The following PM20D2 variants were observed in gnomAD, a reference collection of about 807,000 sequenced individuals.
PM20D2 encodes the protein peptidase M20 domain containing 2.
In PM20D2, 33 loss-of-function variants were observed where a neutral mutation model predicts 42.9. That is an observed-to-expected ratio of 0.77 (90% CI 0.58 to 1.03). The LOEUF (loss-of-function observed/expected upper bound fraction) is 1.03. Ranked by LOEUF, PM20D2 falls within the 50% of genes least tolerant of loss-of-function variation. PM20D2 has a pLI of 0.00. For missense variants in PM20D2, 548 were observed against 557.0 expected (o/e 0.98, Z 0.16); for synonymous variants, 250 against 228.2 (o/e 1.10, Z -0.86).
At chr6:89,121,280 T>TC in the PM20D2 span, among the ~76,000 whole-genome samples, 1 of 152,180 alleles carries the variant, frequency 6.6e-6, no homozygotes. Flanking sequence ...TGTTCTTTTT[T>TC]CCAGATATGA....
intron 2 of PM20D2, among the ~76,000 whole-genome samples, chr6:89,151,234 CTTT>C (rs543608362): frequency 1.5e-5 from 2 of 133,256 alleles, no homozygotes. Context: ...CTTAAAAATT[CTTT>C]TTTTTTTTTT....
chr6:89,095,101 C>A, the PM20D2 span, among the ~76,000 whole-genome samples: 1 of 152,128 alleles, frequency 6.6e-6, no homozygotes, highest in Non-Finnish European at 1.5e-5. Flanking sequence ...TCTATTATGC[C>A]ACGTGAAGAT....
At chr6:89,128,029 A>AAT in the PM20D2 span, among the ~76,000 whole-genome samples, 1 of 152,236 alleles carries the variant, frequency 6.6e-6, no homozygotes, top group Non-Finnish European at 1.5e-5. Flanking sequence ...GTGTTTGAAC[A>AAT]ATATGAAATC....
chr6:89,120,185 T>C, the PM20D2 span, among the ~76,000 whole-genome samples: 1 of 152,202 alleles, frequency 6.6e-6, no homozygotes, highest in Non-Finnish European at 1.5e-5. Context: ...GTGGGAATTA[T>C]GGGAGCTAAC....
chr6:89,101,229 T>G, the PM20D2 span, among the ~76,000 whole-genome samples: 1 of 151,908 alleles, frequency 6.6e-6, no homozygotes, highest in Non-Finnish European at 1.5e-5. Context: ...AGCAGATGTA[T>G]AGCATACAGT....
the PM20D2 span, among the ~76,000 whole-genome samples, chr6:89,115,631 CTT>C: frequency 4.6e-3 from 599 of 128,892 alleles, 1 homozygote; most frequent in African/African-American, 0.018. Flanking sequence ...TTTTTTCTTT[CTT>C]TTTTTTTTTT....
chr6:89,126,919 G>A, the PM20D2 span, among the ~76,000 whole-genome samples: 15 of 152,158 alleles, frequency 9.9e-5, no homozygotes, highest in Non-Finnish European at 1.6e-4. Flanking sequence ...GGGGTCATGT[G>A]AAAAGGATTC....
the PM20D2 span, among the ~76,000 whole-genome samples, chr6:89,110,983 G>T: frequency 1.3e-5 from 2 of 152,080 alleles, no homozygotes; most frequent in Non-Finnish European, 2.9e-5. Flanking sequence ...GCTGGGCGTG[G>T]TGTCTATAAT....
rs1249565607 is a variant in PM20D2, at chr6:89,165,155, GGAT to G, written c.*2896_*2898del. 10 of 151,350 alleles carry G rather than the reference GGAT, an allele frequency of 6.6e-5. No homozygotes were observed. The highest frequency in any genetic ancestry group is 4.6e-4 in the Admixed American group (7 of 15,230). 9.4% of individuals were successfully genotyped at this position (151,350 alleles called of 1,614,324 possible). A position where few individuals can be genotyped will look rare whatever the true frequency, so the allele number is the denominator to read the frequency against. The stretch of plus-strand genomic sequence containing the variant: ...TGATACAATAAGTTTTTTTTTTTAA[GGAT>G]GATTGTCTAATTTTGTAATATGTTG... On this transcript the variant is annotated 3_prime_UTR_variant, in exon 7 of 7. Transcript: ENST00000275072.
chr6:89,131,290 T>C, the PM20D2 span, among the ~76,000 whole-genome samples: 2 of 152,258 alleles, frequency 1.3e-5, no homozygotes, highest in East Asian at 3.9e-4. Context: ...CAGCTCTCAA[T>C]AGTGTCACAT....
At chr6:89,130,580 C>T in the PM20D2 span, among the ~76,000 whole-genome samples, 27 of 152,012 alleles carry the variant, frequency 1.8e-4, no homozygotes, top group East Asian at 1.2e-3. Flanking sequence ...GAAGAGGAAT[C>T]GCCACTTTGA....
chr6:89,117,956 G>T, the PM20D2 span: 1 of 1,482,004 alleles, frequency 6.7e-7, no homozygotes, highest in Non-Finnish European at 9.1e-7. Flanking sequence ...CGCTACCGCT[G>T]CTACCACCAC....
upstream of PM20D2, chr6:89,145,993 G>C (rs929889370): frequency 1.7e-6 from 1 of 587,370 alleles, no homozygotes; most frequent in Non-Finnish European, 2.5e-6. Context: ...GCCGGGGGCG[G>C]CCCCGGGACT....
chr6:89,098,976 T>C, the PM20D2 span: 1 of 1,571,510 alleles, frequency 6.4e-7, no homozygotes. Context: ...TTAGAGCATA[T>C]ATTTCACACA....
chr6:89,104,052 G>T, the PM20D2 span, among the ~76,000 whole-genome samples: 4 of 119,000 alleles, frequency 3.4e-5, no homozygotes, highest in Admixed American at 1.1e-4. Context: ...GGCCAGGCTA[G>T]TCTCAAACTC....
the PM20D2 span, among the ~76,000 whole-genome samples, chr6:89,116,845 ACTCAT>A: frequency 6.6e-6 from 1 of 152,084 alleles, no homozygotes; most frequent in Non-Finnish European, 1.5e-5. Flanking sequence ...AAATTATAAT[ACTCAT>A]CTCAGATGAC....
upstream of PM20D2, among the ~76,000 whole-genome samples, chr6:89,144,258 G>A (rs965567457): frequency 1.8e-4 from 25 of 141,810 alleles, no homozygotes; most frequent in African/African-American, 6.6e-4. Flanking sequence ...TTCCTGCAAA[G>A]CAATATAAAT....
chr6:89,130,011 C>T, the PM20D2 span, among the ~76,000 whole-genome samples: 3 of 151,854 alleles, frequency 2.0e-5, no homozygotes, highest in Non-Finnish European at 4.4e-5. Flanking sequence ...GTCGGGATTA[C>T]AGCCGTGAGC....
the PM20D2 span, among the ~76,000 whole-genome samples, chr6:89,127,352 CGGA>C: frequency 6.9e-6 from 1 of 144,438 alleles, no homozygotes; most frequent in East Asian, 2.0e-4. Context: ...TTTTTTGAGA[CGGA>C]GTGTCACTCT....
Sources: gnomAD v4.1 joint callset for allele counts (sites outside exome capture counted in the v4.1 genomes callset) on GRCh38, gnomAD v4.1.1 for gene constraint, MANE v1.5 for transcripts, NCBI Gene and HGNC (gene_info 2026-07-23, HGNC 2026-07-21) for gene names.